Variants in IGF2BP1 observed in about 807,000 individuals in gnomAD.
IGF2BP1 encodes insulin-like growth factor 2 mRNA-binding protein 1.
A neutral mutation model predicts 74.9 loss-of-function variants in IGF2BP1; 11 were observed. The observed-to-expected ratio is 0.15, with a 90% CI of 0.09 to 0.24. The LOEUF (loss-of-function observed/expected upper bound fraction) is 0.24, where lower values mean the gene tolerates loss of function less well. Ranked by LOEUF, IGF2BP1 falls within the 10% of genes least tolerant of loss-of-function variation. IGF2BP1 has a pLI of 1.00. For missense variants in IGF2BP1, 440 were observed against 757.4 expected, an observed-to-expected ratio of 0.58 and a Z score of 4.92; for synonymous variants, 287 against 281.8, an observed-to-expected ratio of 1.02 and a Z score of -0.18.
rs916299821 is a variant in IGF2BP1 at position 49,051,531 on chromosome 17, G to A, written c.*2087G>A. On this transcript the variant is annotated 3_prime_UTR_variant, in exon 15 of 15. Coordinates refer to ENST00000290341, the MANE Select transcript of IGF2BP1 (RefSeq NM_006546.4). ...GATTAAAAGGCCTAGTGGAGCTGGG[G>A]GCTCTCAGTGGTTAAACAATGCCCA... 2.6e-5 allele frequency: 4 copies of A among 152,188 alleles called. No individual in the cohort carries two copies. The highest frequency in any genetic ancestry group is 4.4e-5 in the Non-Finnish European group (3 of 68,036). The allele number at this position is 152,188 out of a possible 1,614,324, so 9.4% of individuals were successfully genotyped here. A position where few individuals can be genotyped will look rare whatever the true frequency, so the allele number is the denominator to read the frequency against.
At chr17:49,020,047 T>G (rs2041773048) in intron 2 of IGF2BP1, among the ~76,000 whole-genome samples, 1 of 133,732 alleles carries the variant, frequency 7.5e-6, no homozygotes, top group South Asian at 2.7e-4. Context: ...TGTATGTATT[T>G]TTTTGGGGGG....
At chr17:49,041,259 T>TA (rs2042048751) in intron 7 of IGF2BP1, 119 bp from the exon 8 acceptor site, 1 of 1,039,646 alleles carries the variant, frequency 9.6e-7, no homozygotes. Context: ...TGCAGTTTGA[T>TA]AAGTTTTGAG....
intron 2 of IGF2BP1, among the ~76,000 whole-genome samples, chr17:49,006,546 C>CT (rs1462986975): frequency 6.6e-6 from 1 of 152,126 alleles, no homozygotes; most frequent in African/African-American, 2.4e-5. Context: ...GTTTGTCCTC[C>CT]TTTGAAGCTT....
intron 14 of IGF2BP1, 21 bp from the exon 15 acceptor site, chr17:49,049,331 T>C (rs2042141155): frequency 6.2e-7 from 1 of 1,612,636 alleles, no homozygotes. Context: ...ACACCCACTC[T>C]CTTGCCTGTT....
intron 2 of IGF2BP1, among the ~76,000 whole-genome samples, chr17:49,004,010 T>C (rs762750519): frequency 4.7e-4 from 72 of 151,980 alleles, no homozygotes; most frequent in Non-Finnish European, 8.1e-4. Context: ...GCGGCGGCGC[T>C]GCAGGCTCTT....
intron 7 of IGF2BP1, among the ~76,000 whole-genome samples, chr17:49,040,939 C>T (rs987307347): frequency 3.9e-5 from 6 of 152,240 alleles, no homozygotes; most frequent in Non-Finnish European, 7.3e-5. Context: ...CACGGTGGCT[C>T]ATGCCTCTAA....
At chr17:49,004,080 C>A (rs898238788) in intron 2 of IGF2BP1, among the ~76,000 whole-genome samples, 1 of 152,118 alleles carries the variant, frequency 6.6e-6, no homozygotes, top group African/African-American at 2.4e-5. Flanking sequence ...CCGCGCCAGT[C>A]CCAGCCCGGC....
intron 5 of IGF2BP1, 137 bp downstream of exon 5, chr17:49,032,110 C>T (rs1192834288): frequency 2.9e-6 from 2 of 685,712 alleles, no homozygotes; most frequent in East Asian, 2.6e-5. Context: ...TTAGCCCAAG[C>T]CAAACCTAGA....
chr17:49,050,596 A>G lies in IGF2BP1; in HGVS notation c.*1152A>G, dbSNP rs990391196. 3.3e-5 allele frequency: 5 copies of G among 152,326 alleles called. No individual in the cohort carries two copies. The highest frequency in any genetic ancestry group is 1.3e-4 in the Admixed American group (2 of 15,298). 9.4% of individuals were successfully genotyped at this position (152,326 alleles called of 1,614,324 possible). A position where few individuals can be genotyped will look rare whatever the true frequency, so the allele number is the denominator to read the frequency against. ...TGAGCTCCCGATAAAGCTAAAGTCC[A>G]TCATCTGGCAAATTCAGTAAATTGG... is the stretch of plus-strand genomic sequence containing the variant. On this transcript the variant is annotated 3_prime_UTR_variant, in exon 15 of 15. Transcript: ENST00000290341.
intron 14 of IGF2BP1, among the ~76,000 whole-genome samples, chr17:49,046,665 A>G (rs1291662727): frequency 6.7e-6 from 1 of 149,298 alleles, no homozygotes; most frequent in African/African-American, 2.5e-5. Flanking sequence ...TATTATATGT[A>G]AATATATATA....
chr17:49,016,869 TGGCACAGAGCCCTG>T (rs1267487422), intron 2 of IGF2BP1, among the ~76,000 whole-genome samples: 1 of 140,930 alleles, frequency 7.1e-6, no homozygotes, highest in Non-Finnish European at 1.5e-5. Context: ...TGGATCAGCC[TGGCACAGAGCCCTG>T]GGCTTTCGGC....
intron 2 of IGF2BP1, among the ~76,000 whole-genome samples, chr17:49,019,943 TATATATTTATATACACAC>T (rs1295097698): frequency 1.9e-5 from 1 of 53,958 alleles, no homozygotes; most frequent in African/African-American, 1.0e-4. Context: ...TATATATATA[TATATATTTATATACACAC>T]ACACACACAC....
At chr17:49,019,938 A>ATATATATATT (rs1555597795) in intron 2 of IGF2BP1, among the ~76,000 whole-genome samples, 8 of 57,366 alleles carry the variant, frequency 1.4e-4, no homozygotes, top group South Asian at 4.4e-4. Context: ...ATATATATAT[A>ATATATATATT]TATATATATA....
At chr17:49,035,342 A>G (rs2041973529) in intron 5 of IGF2BP1, among the ~76,000 whole-genome samples, 1 of 152,260 alleles carries the variant, frequency 6.6e-6, no homozygotes, top group African/African-American at 2.4e-5. Context: ...TAAGGTAGGC[A>G]GGGCACAAGT....
chr17:49,049,692 T>C lies in IGF2BP1; in HGVS notation c.*248T>C. ...TCAGAAATTCTAGCGCAAGGCACTT[T>C]TAAACGTGGATTGTTTAAAGAAGCT... On this transcript the variant is annotated 3_prime_UTR_variant, in exon 15 of 15. Transcript: ENST00000290341. The C allele has an allele frequency of 2.2e-6, 1 of 461,022 alleles. No homozygotes were observed. The highest frequency in any genetic ancestry group is 4.0e-6 in the Non-Finnish European group (1 of 252,812). 28.6% of individuals were successfully genotyped at this position (461,022 alleles called of 1,614,324 possible).
In IGF2BP1 at chr17:48,999,120, T is replaced by G. The variant is rs778819788; in HGVS notation, c.187T>G (p.Leu63Val). 6.6e-7 allele frequency: 1 copy of G among 1,518,248 alleles called. No homozygotes were observed. The highest frequency in any genetic ancestry group is 8.9e-7 in the Non-Finnish European group (1 of 1,121,922). 94.0% of individuals were successfully genotyped at this position (1,518,248 alleles called of 1,614,324 possible). Residue 63 changes from leucine to valine, a missense_variant, in exon 2 of 15, where the codon TTA becomes GTA. By Grantham distance (32) the Leu-to-Val change is conservative. This residue lies in a region of IGF2BP1 where 105 missense variants were observed against 199.4 expected (regional missense o/e 0.53). Coordinates refer to ENST00000290341, the MANE Select transcript of IGF2BP1 (RefSeq NM_006546.4). ...TTTTTAATCTTTAGGGAAAGTAGAA[T>G]TACAAGGAAAACGCTTAGAGATTGA... is the stretch of plus-strand genomic sequence containing the variant. Reference protein sequence around the residue: ...AIETFSGKVELQGKRLEIEHS... With the variant: ...AIETFSGKVEVQGKRLEIEHS...
At chr17:49,000,169 C>G (rs985353381) in intron 2 of IGF2BP1, among the ~76,000 whole-genome samples, 6 of 152,096 alleles carry the variant, frequency 3.9e-5, no homozygotes, top group Non-Finnish European at 8.8e-5. Flanking sequence ...AGTTTGCTCT[C>G]ATGTCCCAAG....
In IGF2BP1 at chr17:49,044,100, T is replaced by C; in HGVS notation, c.1320+14T>C. 6.2e-7 allele frequency: 1 copy of C among 1,612,222 alleles called. No homozygotes were observed. ...GCCTCCATCAAGGTGATCTGCTCTGTGGGTCTTCCTGTTTCTGGAAAGGGA... is the reference window on the plus strand; with the variant it reads ...GCCTCCATCAAGGTGATCTGCTCTGCGGGTCTTCCTGTTTCTGGAAAGGGA... On this transcript the variant is annotated intron_variant, in intron 11 of 14. Transcript: ENST00000290341.
chr17:49,053,760 A>C lies in IGF2BP1; in HGVS notation c.*4316A>C, dbSNP rs1394651626. The stretch of plus-strand genomic sequence containing the variant: ...GCCTGCTTGAGCCTTCTTGCTCCAC[A>C]GGAGAAGCTGGTGCCTCTAGGCAAC... On this transcript the variant is annotated 3_prime_UTR_variant, in exon 15 of 15. Coordinates refer to ENST00000290341, the MANE Select transcript of IGF2BP1 (RefSeq NM_006546.4). 2 of 152,662 alleles carry C rather than the reference A, an allele frequency of 1.3e-5. No individual in the cohort carries two copies. Among genetic ancestry groups the C allele is most frequent in the Non-Finnish European group, 2.9e-5 (2 of 68,066 alleles). The allele number at this position is 152,662 out of a possible 1,614,324, so 9.5% of individuals were successfully genotyped here. A position where few individuals can be genotyped will look rare whatever the true frequency, so the allele number is the denominator to read the frequency against.
Sources: gnomAD v4.1 joint callset for allele counts (sites outside exome capture counted in the v4.1 genomes callset) on GRCh38, gnomAD v4.1.1 for gene constraint, gnomAD v4.1.1 regional missense constraint, MANE v1.5 for transcripts, NCBI Gene and HGNC (gene_info 2026-07-23, HGNC 2026-07-21) for gene names.